Variants in SHC4 observed in about 807,000 individuals in gnomAD.
SHC4 encodes SHC adaptor protein 4.
A neutral mutation model predicts 69.4 loss-of-function variants in SHC4; 41 were observed. The ratio of observed to expected loss-of-function variants is 0.59; its 90% CI spans 0.46 to 0.77. The LOEUF (loss-of-function observed/expected upper bound fraction) is 0.77. Ranked by LOEUF, SHC4 falls within the 30% of genes least tolerant of loss-of-function variation. SHC4 has a pLI of 0.00. For synonymous variants in SHC4, 318 were observed against 299.3 expected, an observed-to-expected ratio of 1.06 and a Z score of -0.64; for missense variants, 777 against 783.8, an observed-to-expected ratio of 0.99 and a Z score of 0.10.
intron 5 of SHC4, among the ~76,000 whole-genome samples, chr15:48,871,286 A>G (rs1899672561): frequency 6.6e-6 from 1 of 152,246 alleles, no homozygotes; most frequent in South Asian, 2.1e-4. Context: ...GTCATACTCC[A>G]TCCTCTTCTA....
chr15:48,848,867 G>A (rs192746664), intron 9 of SHC4, among the ~76,000 whole-genome samples: 273 of 152,164 alleles, frequency 1.8e-3, no homozygotes, highest in African/African-American at 6.4e-3. Context: ...ACTCTTGGGG[G>A]AAAAAGAAGA....
chr15:48,912,998 T>C, intron 2 of SHC4, among the ~76,000 whole-genome samples: 1 of 139,702 alleles, frequency 7.2e-6, no homozygotes, highest in Middle Eastern at 3.6e-3. Context: ...GGGGGTGGGG[T>C]GCAGGGGCGG....
At chr15:48,829,976 T>C (rs942736698) in intron 11 of SHC4, among the ~76,000 whole-genome samples, 4 of 152,294 alleles carry the variant, frequency 2.6e-5, no homozygotes, top group African/African-American at 7.2e-5. Context: ...TAGTTGGAGC[T>C]TGTTTTTTTT....
intron 2 of SHC4, among the ~76,000 whole-genome samples, chr15:48,918,372 T>C (rs756431813): frequency 1.3e-5 from 2 of 152,188 alleles, no homozygotes; most frequent in Non-Finnish European, 2.9e-5. Flanking sequence ...CTCAAGGCCA[T>C]ATGGACCACT....
rs566878835 is a variant in SHC4, at chr15:48,893,531, T to C, written c.657-2720A>G. Among the ~76,000 whole-genome samples, 7 of 152,314 alleles carry C rather than the reference T, an allele frequency of 4.6e-5. No homozygotes were observed. The East Asian group carries it at 1.4e-3, about 30-fold the overall frequency. On this transcript the variant is annotated intron_variant, in intron 2 of 11. Transcript: ENST00000332408. ...CTGAAGGCTGGCCAGATTTGGCCCA[T>C]GGGCCATAGTTTGTTGACCCCTGGA... is the stretch of plus-strand genomic sequence containing the variant.
chr15:48,893,981 C>T (rs1007487419), intron 2 of SHC4, among the ~76,000 whole-genome samples: 1 of 152,186 alleles, frequency 6.6e-6, no homozygotes, highest in African/African-American at 2.4e-5. Context: ...TAACTTATTA[C>T]AAACTTCGAC....
At chr15:48,878,584 G>C (rs1899875601) in intron 4 of SHC4, 3 of 1,614,070 alleles carry the variant, frequency 1.9e-6, no homozygotes. Flanking sequence ...AGATGTTTCT[G>C]AGAACAAGAG....
In SHC4 at chr15:48,834,939, T is replaced by C; in HGVS notation, c.1567A>G (p.Ser523Gly). The C allele has an allele frequency of 6.2e-7, 1 of 1,613,800 alleles. No individual in the cohort carries two copies. Among genetic ancestry groups the C allele is most frequent in the Non-Finnish European group, 8.5e-7 (1 of 1,179,868 alleles). ...SLPHIKQQLW[S>G]EECYHGKLSR... ...AGCTTGCCATGATAGCATTCTTCGC[T>C]CCACAGCTGCTGCTTAATGTGTGGC... The change falls in exon 11 of 12, where the codon AGC becomes GGC. Residue 523 changes from serine to glycine, a missense_variant. Transcript: ENST00000332408.
chr15:48,861,349 C>T (rs1899438394), intron 6 of SHC4, among the ~76,000 whole-genome samples: 1 of 152,222 alleles, frequency 6.6e-6, no homozygotes, highest in Admixed American at 6.5e-5. Flanking sequence ...ACAGACTGAC[C>T]TCATGCAGAT....
At chr15:48,921,421 G>A (rs1197526483) in intron 2 of SHC4, among the ~76,000 whole-genome samples, 2 of 149,560 alleles carry the variant, frequency 1.3e-5, no homozygotes, top group Admixed American at 1.3e-4. Context: ...TGCAACCTCC[G>A]CCTCCCGGGT....
In SHC4 at chr15:48,834,886, C is replaced by T; in HGVS notation, c.1620G>A (p.Leu540=). Residue 540 remains leucine, a synonymous_variant, in exon 11 of 12, where the codon TTG becomes TTA. Transcript: ENST00000332408. ...KLSRKAAESL[L]VKDGDFLVRE... ...GAACCAAAAAGTCCCCATCCTTTACCAAGAGGCTCTCTGCCGCCTTCCTGC... is the reference window on the plus strand; with the variant it reads ...GAACCAAAAAGTCCCCATCCTTTACTAAGAGGCTCTCTGCCGCCTTCCTGC... The T allele has an allele frequency of 6.2e-7, 1 of 1,614,132 alleles. No individual in the cohort carries two copies. Among genetic ancestry groups the T allele is most frequent in the Non-Finnish European group, 8.5e-7 (1 of 1,180,010 alleles).
chr15:48,876,588 G>C (rs1899804805), intron 4 of SHC4: 2 of 698,658 alleles, frequency 2.9e-6, no homozygotes, highest in African/African-American at 3.5e-5. Context: ...GCAGGCTAAG[G>C]AGAGAGGAGA....
intron 1 of SHC4, among the ~76,000 whole-genome samples, chr15:48,955,215 A>G (rs1179752446): frequency 6.6e-6 from 1 of 152,174 alleles, no homozygotes; most frequent in Non-Finnish European, 1.5e-5. Flanking sequence ...TCTGAAGGGG[A>G]AAATGAAAGA....
chr15:48,932,041 G>A (rs1900975912), intron 1 of SHC4, among the ~76,000 whole-genome samples: 1 of 152,036 alleles, frequency 6.6e-6, no homozygotes, highest in Non-Finnish European at 1.5e-5. Context: ...TCTTTATTCT[G>A]AGTTTTATTC....
chr15:48,843,698 A>G (rs766224277), intron 9 of SHC4, 110 bp from the exon 10 acceptor site: 1 of 954,680 alleles, frequency 1.0e-6, no homozygotes, highest in East Asian at 2.8e-5. Flanking sequence ...GCCCCACCCT[A>G]TACAATGATT....
intron 5 of SHC4, among the ~76,000 whole-genome samples, chr15:48,870,380 G>A (rs1179135526): frequency 6.6e-6 from 1 of 152,156 alleles, no homozygotes; most frequent in Non-Finnish European, 1.5e-5. Flanking sequence ...GTTTGCTAAT[G>A]GGAATTCACA....
chr15:48,843,642 A>G, intron 9 of SHC4, 54 bp from the exon 10 acceptor site: 7 of 1,504,792 alleles, frequency 4.7e-6, no homozygotes, highest in Non-Finnish European at 6.3e-6. Context: ...TAAATAGTAA[A>G]TAAAATCATG....
chr15:48,883,127 T>C (rs1275417009), intron 4 of SHC4, among the ~76,000 whole-genome samples: 1 of 152,198 alleles, frequency 6.6e-6, no homozygotes, highest in Non-Finnish European at 1.5e-5. Flanking sequence ...TATAATCTTA[T>C]AATATGCACT....
chr15:48,939,298 G>A (rs558774802), intron 1 of SHC4, among the ~76,000 whole-genome samples: 1 of 152,356 alleles, frequency 6.6e-6, no homozygotes, highest in East Asian at 1.9e-4. Context: ...AATCAGGGAA[G>A]AAGGGTCAGA....
Sources: allele counts gnomAD v4.1 joint callset (sites outside exome capture counted in the v4.1 genomes callset), GRCh38; gene constraint gnomAD v4.1.1; transcripts MANE v1.5; gene names NCBI Gene and HGNC (gene_info 2026-07-23, HGNC 2026-07-21).